Variants in VDR observed in about 807,000 individuals in gnomAD.
VDR encodes the protein vitamin D receptor.
A neutral mutation model predicts 39.7 loss-of-function variants in VDR; 19 were observed. The observed-to-expected ratio is 0.48, with a 90% CI of 0.33 to 0.70. VDR has a LOEUF of 0.70. VDR is among the 30% of genes least tolerant of loss of function. The probability of loss-of-function intolerance (pLI) is 0.02; values close to 1 mark genes in which losing one functional copy is unlikely to be tolerated. For synonymous variants in VDR, 242 were observed against 215.8 expected, an observed-to-expected ratio of 1.12 and a Z score of -1.07; for missense variants, 442 against 570.5, an observed-to-expected ratio of 0.77 and a Z score of 2.29.
At chr12:47,891,287 G>A (rs1315318534) in intron 1 of VDR, among the ~76,000 whole-genome samples, 1 of 152,168 alleles carries the variant, frequency 6.6e-6, no homozygotes, top group African/African-American at 2.4e-5. Context: ...CTTGTGTGGG[G>A]ATCAAACGAG....
chr12:47,882,217 C>T (rs531737222), intron 2 of VDR, among the ~76,000 whole-genome samples: 1 of 152,210 alleles, frequency 6.6e-6, no homozygotes, highest in South Asian at 2.1e-4. Flanking sequence ...CAGCCAGAGG[C>T]CCACAGTGAA....
At chr12:47,904,639 G>A (rs1366753604) in intron 1 of VDR, 5 of 1,535,552 alleles carry the variant, frequency 3.3e-6, no homozygotes, top group Non-Finnish European at 4.4e-6. Flanking sequence ...ATGCCAAGGC[G>A]CCCCGACAGA....
chr12:47,846,804 G>A lies in VDR; in HGVS notation c.760C>T (p.Leu254Phe). The A allele has an allele frequency of 6.2e-7, 1 of 1,614,164 alleles. No homozygotes were observed. Among genetic ancestry groups the A allele is most frequent in the Non-Finnish European group, 8.5e-7 (1 of 1,180,034 alleles). Residue 254 changes from leucine (L) to phenylalanine (F), a missense_variant, in exon 8 of 10, where the codon CTC becomes TTC. By Grantham distance (22) the Leu-to-Phe change is conservative. Transcript: ENST00000549336. ...AGTACGATCTGGTCCTCAGAGGTGAGGTCTCTGCAGGGGAGGGAGGGAAGG... is the reference window on the plus strand; with the variant it reads ...AGTACGATCTGGTCCTCAGAGGTGAAGTCTCTGCAGGGGAGGGAGGGAAGG... ...FAKMIPGFRD[L>F]TSEDQIVLLK...
intron 1 of VDR, chr12:47,898,522 A>C (rs1946502990): frequency 6.5e-6 from 1 of 153,502 alleles, no homozygotes; most frequent in African/African-American, 2.4e-5. Flanking sequence ...CCCTACAGAA[A>C]TTCTTGTGAG....
intron 1 of VDR, among the ~76,000 whole-genome samples, chr12:47,887,037 C>T (rs535270759): frequency 4.6e-5 from 7 of 152,206 alleles, no homozygotes; most frequent in African/African-American, 1.4e-4. Flanking sequence ...CCTGGCCGGG[C>T]GCGGTGGCTC....
intron 3 of VDR, among the ~76,000 whole-genome samples, chr12:47,871,272 TTTTCTCTTTCTTTCTC>T (rs1173650627): frequency 6.7e-5 from 9 of 134,444 alleles, no homozygotes; most frequent in African/African-American, 2.3e-4. Flanking sequence ...GGTTTCTTTC[TTTTCTCTTTCTTTCTC>T]TTTCTCTTTC....
chr12:47,870,534 G>C (rs1945829932), intron 3 of VDR, among the ~76,000 whole-genome samples: 1 of 152,298 alleles, frequency 6.6e-6, no homozygotes, highest in Non-Finnish European at 1.5e-5. Flanking sequence ...AAAGCCAGGG[G>C]TGAGAGAGGA....
At chr12:47,886,672 G>T (rs7979131) in intron 1 of VDR, among the ~76,000 whole-genome samples, 104,815 of 152,214 alleles carry the variant, frequency 0.69, 37,181 homozygotes, top group African/African-American at 0.87. Context: ...TAAAACCCAA[G>T]AGATAACATT....
chr12:47,861,530 G>A (rs1592112464), intron 4 of VDR, among the ~76,000 whole-genome samples: 1 of 152,188 alleles, frequency 6.6e-6, no homozygotes, highest in East Asian at 1.9e-4. Context: ...TTAATTTCAT[G>A]GGAAATTTCT....
At chr12:47,873,702 T>C (rs578258978) in intron 3 of VDR, among the ~76,000 whole-genome samples, 2 of 152,334 alleles carry the variant, frequency 1.3e-5, no homozygotes, top group Admixed American at 6.5e-5. Flanking sequence ...GGTAGTTCTT[T>C]ATAGCAGTGT....
rs115084080 is a variant in VDR, at chr12:47,867,942, G to C, written c.147-2765C>G. Among the ~76,000 whole-genome samples the C allele has an allele frequency of 6.1e-3, 936 of 152,294 alleles. 11 individuals are homozygous for C. Among genetic ancestry groups the C allele is most frequent in the African/African-American group, 0.021 (881 of 41,562 alleles). ...CCACACCGACTCAGCCCCTGGGATA[G>C]AGAAGAGACCAGAGTAGGGCTCTAC... On this transcript the variant is annotated intron_variant, in intron 3 of 9. Coordinates refer to ENST00000549336, the MANE Select transcript of VDR (RefSeq NM_000376.3).
chr12:47,852,949 C>T (rs1945414730), intron 7 of VDR, among the ~76,000 whole-genome samples: 1 of 152,112 alleles, frequency 6.6e-6, no homozygotes, highest in African/African-American at 2.4e-5. Context: ...GCATTTTGCC[C>T]CTTCTGCCGT....
At chr12:47,894,714 C>T (rs1417532318) in intron 1 of VDR, among the ~76,000 whole-genome samples, 1 of 152,236 alleles carries the variant, frequency 6.6e-6, no homozygotes, top group Non-Finnish European at 1.5e-5. Context: ...AACAATAGCT[C>T]AGAGTGACAG....
At chr12:47,904,696 T>G in intron 1 of VDR, 1 of 1,481,150 alleles carries the variant, frequency 6.8e-7, no homozygotes, top group South Asian at 1.2e-5. Context: ...AGCACTGTGT[T>G]AGCGGAGCAT....
intron 9 of VDR, among the ~76,000 whole-genome samples, chr12:47,846,052 C>G (rs1544410): frequency 6.6e-6 from 1 of 152,042 alleles, no homozygotes; most frequent in Non-Finnish European, 1.5e-5. Flanking sequence ...ATTGGGAATG[C>G]GCAGGCCTGT....
At chr12:47,895,229 C>T (rs1946443062) in intron 1 of VDR, among the ~76,000 whole-genome samples, 1 of 152,226 alleles carries the variant, frequency 6.6e-6, no homozygotes. Flanking sequence ...TGAACGATTG[C>T]ATGGAGCATG....
At chr12:47,890,306 A>G (rs1384028041) in intron 1 of VDR, among the ~76,000 whole-genome samples, 4 of 149,764 alleles carry the variant, frequency 2.7e-5, no homozygotes, top group Admixed American at 6.7e-5. Context: ...GAAACCCCAG[A>G]AAGGTTATTG....
At chr12:47,858,810 G>C (rs1043617728) in intron 4 of VDR, among the ~76,000 whole-genome samples, 5 of 152,262 alleles carry the variant, frequency 3.3e-5, no homozygotes. Flanking sequence ...GGGTGGGTGA[G>C]TTCCAGGCTT....
chr12:47,855,863 C>A, intron 6 of VDR, 62 bp from the exon 7 acceptor site: 1 of 1,603,186 alleles, frequency 6.2e-7, no homozygotes, highest in Middle Eastern at 2.2e-4. Flanking sequence ...CCCCCTCCTG[C>A]CAGACCCTGC....
Sources: gnomAD v4.1 joint callset for allele counts (sites outside exome capture counted in the v4.1 genomes callset) on GRCh38, gnomAD v4.1.1 for gene constraint, MANE v1.5 for transcripts, NCBI Gene and HGNC (gene_info 2026-07-23, HGNC 2026-07-21) for gene names.